Variants in PLXDC2 observed in about 807,000 individuals in gnomAD.
PLXDC2 encodes plexin domain containing 2.
Under a neutral mutation model 68.9 loss-of-function variants are expected in PLXDC2, and 40 were observed. The ratio of observed to expected loss-of-function variants is 0.58; its 90% CI spans 0.45 to 0.76. The LOEUF is 0.76. Among genes scored for constraint, PLXDC2 ranks in the 30% least tolerant of loss-of-function variants. PLXDC2 has a pLI of 0.00. For synonymous variants in PLXDC2, 243 were observed against 234.2 expected (o/e 1.04, Z -0.34); for missense variants, 644 against 661.9 (o/e 0.97, Z 0.30).
rs1469937902 is a variant in PLXDC2, at chr10:20,209,057, G to T, written c.1062-2612G>T. ...ACAGGACCACAGGACCACAGGACGGGGGCGAAATTAAAATTGCTAATGAAG... is the reference window on the plus strand; with the variant it reads ...ACAGGACCACAGGACCACAGGACGGTGGCGAAATTAAAATTGCTAATGAAG... On this transcript the variant is annotated intron_variant, in intron 9 of 13. Coordinates refer to ENST00000377252, the MANE Select transcript of PLXDC2 (RefSeq NM_032812.9). Among the ~76,000 whole-genome samples, 3 of 152,206 alleles carry T rather than the reference G, an allele frequency of 2.0e-5. No individual in the cohort carries two copies. The East Asian group carries it at 5.8e-4, about 29-fold the overall frequency.
At chr10:20,210,008 C>T (rs1368623836) in intron 9 of PLXDC2, among the ~76,000 whole-genome samples, 1 of 152,072 alleles carries the variant, frequency 6.6e-6, no homozygotes, top group Admixed American at 6.6e-5. Context: ...TCAGCCGGTC[C>T]CTCTGTTCAG....
chr10:19,940,006 C>T (rs983216668), intron 1 of PLXDC2, among the ~76,000 whole-genome samples: 4 of 151,760 alleles, frequency 2.6e-5, no homozygotes, highest in Non-Finnish European at 5.9e-5. Flanking sequence ...TGTCTATTTA[C>T]ATGGATGTTT....
intron 1 of PLXDC2, among the ~76,000 whole-genome samples, chr10:19,932,321 G>A (rs12776043): frequency 0.24 from 36,385 of 151,320 alleles, 5,225 homozygotes; most frequent in Middle Eastern, 0.36. Context: ...TTTTCTCTTG[G>A]CACACATGTG....
At chr10:19,838,921 C>G (rs187924761) in intron 1 of PLXDC2, among the ~76,000 whole-genome samples, 4 of 152,218 alleles carry the variant, frequency 2.6e-5, no homozygotes, top group South Asian at 4.1e-4. Context: ...TGTGGTGGCT[C>G]ATGCCTATAA....
At chr10:19,831,207 T>G (rs2131309542) in intron 1 of PLXDC2, among the ~76,000 whole-genome samples, 1 of 152,324 alleles carries the variant, frequency 6.6e-6, no homozygotes, top group African/African-American at 2.4e-5. Context: ...TGATATATTC[T>G]TTCTTCTCTG....
chr10:19,831,921 A>G (rs944641355), intron 1 of PLXDC2, among the ~76,000 whole-genome samples: 1 of 152,146 alleles, frequency 6.6e-6, no homozygotes, highest in Non-Finnish European at 1.5e-5. Flanking sequence ...AGAATGATTT[A>G]TGTTTTTGAC....
At chr10:20,236,830 T>C (rs1835438816) in intron 12 of PLXDC2, among the ~76,000 whole-genome samples, 1 of 152,138 alleles carries the variant, frequency 6.6e-6, no homozygotes, top group Admixed American at 6.5e-5. Flanking sequence ...CACATACACA[T>C]GCCTAAAAGC....
At chr10:20,115,189 G>A (rs556063687) in intron 4 of PLXDC2, among the ~76,000 whole-genome samples, 96 of 152,292 alleles carry the variant, frequency 6.3e-4, no homozygotes, top group Non-Finnish European at 1.0e-3. Context: ...CACCCAGGAG[G>A]AGTGTTCATG....
chr10:20,146,918 G>A (rs1834088494), intron 5 of PLXDC2, among the ~76,000 whole-genome samples: 1 of 151,804 alleles, frequency 6.6e-6, no homozygotes, highest in South Asian at 2.1e-4. Context: ...TTCATTTTCA[G>A]CACAACTTTT....
At chr10:19,921,616 C>G (rs1438631234) in intron 1 of PLXDC2, among the ~76,000 whole-genome samples, 1 of 152,182 alleles carries the variant, frequency 6.6e-6, no homozygotes, top group Non-Finnish European at 1.5e-5. Context: ...TTTTCCCCAT[C>G]GAAAACTCTG....
chr10:20,170,211 G>C (rs1001570342), intron 7 of PLXDC2, among the ~76,000 whole-genome samples: 3 of 151,958 alleles, frequency 2.0e-5, no homozygotes. Context: ...TCTTTTTTTA[G>C]TTGGAGTCTA....
chr10:20,101,172 T>A (rs1355016308), intron 4 of PLXDC2, among the ~76,000 whole-genome samples: 1 of 152,176 alleles, frequency 6.6e-6, no homozygotes, highest in Non-Finnish European at 1.5e-5. Context: ...TGTGTGAGTA[T>A]AAAGATTTGA....
intron 4 of PLXDC2, among the ~76,000 whole-genome samples, chr10:20,092,562 T>C (rs1833294382): frequency 6.6e-6 from 1 of 152,106 alleles, no homozygotes; most frequent in African/African-American, 2.4e-5. Context: ...CAGAAGTTGA[T>C]TGTTGACAAG....
chr10:19,954,491 T>C (rs898701285), intron 1 of PLXDC2, among the ~76,000 whole-genome samples: 1 of 152,248 alleles, frequency 6.6e-6, no homozygotes, highest in Non-Finnish European at 1.5e-5. Flanking sequence ...ATCTGATTTT[T>C]GATGATCCAT....
intron 1 of PLXDC2, among the ~76,000 whole-genome samples, chr10:19,946,060 C>T (rs1162621708): frequency 6.6e-6 from 1 of 152,160 alleles, no homozygotes; most frequent in African/African-American, 2.4e-5. Context: ...AAGCAGAATG[C>T]TTCCAATATT....
At chr10:19,871,224 A>G (rs1392067992) in intron 1 of PLXDC2, among the ~76,000 whole-genome samples, 1 of 152,238 alleles carries the variant, frequency 6.6e-6, no homozygotes, top group Non-Finnish European at 1.5e-5. Flanking sequence ...CTAAAGAATT[A>G]GGACCTCATG....
At chr10:20,207,754 CA>C (rs750941264) in intron 9 of PLXDC2, among the ~76,000 whole-genome samples, 27 of 152,098 alleles carry the variant, frequency 1.8e-4, no homozygotes, top group Non-Finnish European at 3.4e-4. Flanking sequence ...TGGGGATTCT[CA>C]AATTTAGGAT....
intron 1 of PLXDC2, among the ~76,000 whole-genome samples, chr10:19,821,577 C>G (rs1329551358): frequency 6.6e-6 from 1 of 152,186 alleles, no homozygotes; most frequent in Non-Finnish European, 1.5e-5. Context: ...GTGGCAACAA[C>G]CAATAAATAG....
intron 9 of PLXDC2, among the ~76,000 whole-genome samples, chr10:20,193,049 C>A (rs1441251438): frequency 6.6e-6 from 1 of 151,982 alleles, no homozygotes; most frequent in Non-Finnish European, 1.5e-5. Flanking sequence ...AATTATATGG[C>A]CCCCTTCCCT....
Sources: gnomAD v4.1 joint callset for allele counts (sites outside exome capture counted in the v4.1 genomes callset) on GRCh38, gnomAD v4.1.1 for gene constraint, MANE v1.5 for transcripts, NCBI Gene and HGNC (gene_info 2026-07-23, HGNC 2026-07-21) for gene names.